The following SEMA6C variants were observed in gnomAD, a reference collection of about 807,000 sequenced individuals.
The protein encoded by SEMA6C is semaphorin-6C.
Under a neutral mutation model 72.9 loss-of-function variants are expected in SEMA6C, and 37 were observed. The ratio of observed to expected loss-of-function variants is 0.51; its 90% CI spans 0.39 to 0.67. SEMA6C has a LOEUF of 0.67. Among genes scored for constraint, SEMA6C ranks in the 30% least tolerant of loss-of-function variants. The probability of loss-of-function intolerance (pLI) is 0.00; values close to 1 mark genes in which losing one functional copy is unlikely to be tolerated. For synonymous variants in SEMA6C, 578 were observed against 554.1 expected (o/e 1.04, Z -0.61); for missense variants, 1,189 against 1,263.6 (o/e 0.94, Z 0.89).
Position 151,139,720 on chromosome 1 carries a change from A to AG in SEMA6C, c.234-20dup, listed in dbSNP as rs753147942. On this transcript the variant is annotated intron_variant, in intron 4 of 18. Coordinates refer to ENST00000368914, the MANE Select transcript of SEMA6C (RefSeq NM_030913.6). ...GTGATCCCTGAGGGGGTAGGTAAGG[A>AG]GGGGTCAGAGCCTAGTCAAGGCACC... is the stretch of plus-strand genomic sequence containing the variant. 62 of 1,587,096 alleles carry AG rather than the reference A, an allele frequency of 3.9e-5. No individual in the cohort carries two copies. In the East Asian group the frequency reaches 1.2e-3, roughly 32 times the overall value.
rs1681744180 is a variant in SEMA6C, at chr1:151,133,419, CTG to C, written c.1856_1857del (p.Ser619CysfsTer408). ...SVAAAFALGA[S>X]VSGLLVSCAC... is the part of the protein sequence containing the mutation. Reference sequence around the variant, plus strand: ...GCACAGGAGACCAGGAGGCCAGAGACTGAGGCGCCCAGGGCAAAAGCTGCGGC... The same window carrying C: ...GCACAGGAGACCAGGAGGCCAGAGACAGGCGCCCAGGGCAAAAGCTGCGGC... On this transcript the variant is annotated frameshift_variant, in exon 19 of 19. Transcript: ENST00000368914. LOFTEE classifies it low-confidence loss of function (END_TRUNC). The surrounding 1 kb of genome is among the most constrained non-coding windows in gnomAD (Gnocchi z 5.9). The C allele has an allele frequency of 1.9e-6, 3 of 1,591,830 alleles. No homozygotes were observed. Among genetic ancestry groups the C allele is most frequent in the African/African-American group, 1.3e-5 (1 of 74,554 alleles).
intron 12 of SEMA6C, 27 bp from the exon 13 acceptor site, chr1:151,136,190 C>A: frequency 6.2e-7 from 1 of 1,612,128 alleles, no homozygotes; most frequent in East Asian, 2.2e-5. Context: ...AAGGGGCTGC[C>A]TTTGGACTGG....
Position 151,132,999 on chromosome 1 carries a change from G to A in SEMA6C, c.2278C>T (p.Gln760Ter), listed in dbSNP as rs1681689753. 1.4e-6 allele frequency: 2 copies of A among 1,408,772 alleles called. No individual in the cohort carries two copies. Among genetic ancestry groups the A allele is most frequent in the Non-Finnish European group, 1.9e-6 (2 of 1,078,276 alleles). The allele number at this position is 1,408,772 out of a possible 1,614,324, so 87.3% of individuals were successfully genotyped here. Residue 760 changes from glutamine (Q) to a stop codon, truncating the protein, a stop_gained, in exon 19 of 19, where the codon CAG becomes TAG. Coordinates refer to ENST00000368914, the MANE Select transcript of SEMA6C (RefSeq NM_030913.6). LOFTEE classifies it low-confidence loss of function (END_TRUNC). ...VRPPPPGCPG[Q>*]AVEVTTLEEL... The stretch of plus-strand genomic sequence containing the variant: ...TCCAGGGTGGTGACTTCCACGGCCT[G>A]CCCGGGACAGCCGGGCGGCGGTGGC...
intron 11 of SEMA6C, 90 bp downstream of exon 11, chr1:151,136,767 A>C (rs1682051940): frequency 7.8e-6 from 11 of 1,406,062 alleles, no homozygotes; most frequent in Admixed American, 3.6e-5. Flanking sequence ...AGGTTCCCTT[A>C]ACTGCCCCAT....
intron 14 of SEMA6C, 54 bp from the exon 15 acceptor site, chr1:151,135,363 T>C: frequency 3.2e-6 from 5 of 1,577,154 alleles, no homozygotes; most frequent in Non-Finnish European, 4.3e-6. Flanking sequence ...ACCTTTTCCC[T>C]GAGTGAGTGG....
intron 9 of SEMA6C, 52 bp downstream of exon 9, chr1:151,137,934 C>T: frequency 6.3e-7 from 1 of 1,599,324 alleles, no homozygotes; most frequent in Non-Finnish European, 8.5e-7. Context: ...CACAGTCCTC[C>T]CTCTGTGCCT....
intron 14 of SEMA6C, 33 bp from the exon 15 acceptor site, chr1:151,135,342 C>T (rs1193388282): frequency 1.3e-6 from 2 of 1,597,188 alleles, no homozygotes; most frequent in East Asian, 4.5e-5. Flanking sequence ...CAGAGATGGA[C>T]AGATGAGGCT....
At position 151,140,053 on chromosome 1, in the gene SEMA6C, A is replaced by C; in HGVS notation, c.156T>G (p.Asp52Glu). 1 of 1,614,182 alleles carries C rather than the reference A, an allele frequency of 6.2e-7. No homozygotes were observed. The highest frequency in any genetic ancestry group is 8.5e-7 in the Non-Finnish European group (1 of 1,180,032). Residue 52 changes from aspartate to glutamate, a missense_variant, in exon 4 of 19, where the codon GAT becomes GAG. By Grantham distance (45) the Asp-to-Glu change is conservative. Coordinates refer to ENST00000368914, the MANE Select transcript of SEMA6C (RefSeq NM_030913.6). ...SPLSWFRGLE[D>E]DAVAAELGLD... is the part of the protein sequence containing the mutation. ...GCCCAAGTTCTGCAGCCACAGCATC[A>C]TCCTCCAGGCCCCGAAACCAGGATA...
At position 151,138,118 on chromosome 1, in the gene SEMA6C, G is replaced by A. The variant is rs1242340009; in HGVS notation, c.548-13C>T. 6.2e-7 allele frequency: 1 copy of A among 1,613,332 alleles called. No homozygotes were observed. Among genetic ancestry groups the A allele is most frequent in the Non-Finnish European group, 8.5e-7 (1 of 1,179,680 alleles). On this transcript the variant is annotated splice_polypyrimidine_tract_variant and intron_variant, in intron 8 of 18. Coordinates refer to ENST00000368914, the MANE Select transcript of SEMA6C (RefSeq NM_030913.6). ...TACAGGCTGCCCTCTGGAGGGATGGGTGGAGTGGGGTCAGGGGAGGGCTCA... is the reference window on the plus strand; with the variant it reads ...TACAGGCTGCCCTCTGGAGGGATGGATGGAGTGGGGTCAGGGGAGGGCTCA...
chr1:151,133,998 G>A lies in SEMA6C; in HGVS notation c.1759+403C>T, dbSNP rs775673961. Reference sequence around the variant, plus strand: ...TCCAAGAGTGGAAGACTGGGGCCGGGGGTGGGCATCACTGGGAGGACTGGG... The same window carrying A: ...TCCAAGAGTGGAAGACTGGGGCCGGAGGTGGGCATCACTGGGAGGACTGGG... On this transcript the variant is annotated intron_variant, in intron 18 of 18. Transcript: ENST00000368914. This position sits in a 1 kb window ranked among gnomAD's most constrained non-coding sequence, Gnocchi z 5.9. 2 of 1,434,726 alleles carry A rather than the reference G, an allele frequency of 1.4e-6. No homozygotes were observed. Among genetic ancestry groups the A allele is most frequent in the South Asian group, 1.2e-5 (1 of 81,014 alleles). The allele number at this position is 1,434,726 out of a possible 1,614,324, so 88.9% of individuals were successfully genotyped here.
chr1:151,137,564 G>A lies in SEMA6C; in HGVS notation c.756+147C>T, dbSNP rs1682148749. 11 of 668,402 alleles carry A rather than the reference G, an allele frequency of 1.6e-5. No individual in the cohort carries two copies. The Admixed American group carries it at 2.9e-4, about 18-fold the overall frequency. 41.4% of individuals were successfully genotyped at this position (668,402 alleles called of 1,614,324 possible). A position where few individuals can be genotyped will look rare whatever the true frequency, so the allele number is the denominator to read the frequency against. On this transcript the variant is annotated intron_variant, in intron 10 of 18. Coordinates refer to ENST00000368914, the MANE Select transcript of SEMA6C (RefSeq NM_030913.6). ...GGGACAAGCAGGATGTGGGGTCAGA[G>A]GGCTTGGGGCTATTCCAAGTTGAGG...
intron 3 of SEMA6C, among the ~76,000 whole-genome samples, chr1:151,141,447 T>C (rs1303578118): frequency 6.6e-6 from 1 of 152,224 alleles, no homozygotes; most frequent in Non-Finnish European, 1.5e-5. Flanking sequence ...TTCACTCTTG[T>C]TGCCCATGCT....
rs373131073 is a variant in SEMA6C at position 151,138,125 on chromosome 1, G to T, written c.548-20C>A. 1.5e-5 allele frequency: 24 copies of T among 1,612,702 alleles called. No individual in the cohort carries two copies. The highest frequency in any genetic ancestry group is 2.0e-5 in the Non-Finnish European group (24 of 1,179,456). On this transcript the variant is annotated intron_variant, in intron 8 of 18. Transcript: ENST00000368914. ...TGCCCTCTGGAGGGATGGGTGGAGTGGGGTCAGGGGAGGGCTCAGGGATCT... is the reference window on the plus strand; with the variant it reads ...TGCCCTCTGGAGGGATGGGTGGAGTTGGGTCAGGGGAGGGCTCAGGGATCT...
Position 151,136,463 on chromosome 1 carries a change from C to G in SEMA6C, c.1091G>C (p.Arg364Thr). The G allele has an allele frequency of 6.2e-7, 1 of 1,613,810 alleles. No individual in the cohort carries two copies. Among genetic ancestry groups the G allele is most frequent in the Non-Finnish European group, 8.5e-7 (1 of 1,179,922 alleles). ...TCCTGGGTACCTGGGTGAGGGAACTCTGTCCTCAGACACAGGAGTCCAGGC... is the reference window on the plus strand; with the variant it reads ...TCCTGGGTACCTGGGTGAGGGAACTGTGTCCTCAGACACAGGAGTCCAGGC... ...DGAWTPVSED[R>T]VPSPRPGSCA... Residue 364 changes from arginine (R) to threonine (T), a missense_variant, in exon 12 of 19, where the codon AGA becomes ACA. Coordinates refer to ENST00000368914, the MANE Select transcript of SEMA6C (RefSeq NM_030913.6).
At position 151,138,344 on chromosome 1, in the gene SEMA6C, G is replaced by T; in HGVS notation, c.519C>A (p.Ala173=). The change falls in exon 8 of 19, where the codon GCC becomes GCA. Residue 173 remains alanine, a synonymous_variant. Coordinates refer to ENST00000368914, the MANE Select transcript of SEMA6C (RefSeq NM_030913.6). ...LSGQARCPFD[A]TQSNVAIFAE... The stretch of plus-strand genomic sequence containing the variant: ...CAAAGATGGCCACGTTGGACTGGGT[G>T]GCATCAAAGGGGCATCGAGCCTGCC... 6.2e-7 allele frequency: 1 copy of T among 1,614,036 alleles called. No homozygotes were observed. Among genetic ancestry groups the T allele is most frequent in the South Asian group, 1.1e-5 (1 of 91,044 alleles).
chr1:151,132,075 G>C lies in SEMA6C; in HGVS notation c.*409C>G. 1.7e-6 allele frequency: 1 copy of C among 592,428 alleles called. No homozygotes were observed. Among genetic ancestry groups the C allele is most frequent in the Non-Finnish European group, 2.5e-6 (1 of 401,862 alleles). 36.7% of individuals were successfully genotyped at this position (592,428 alleles called of 1,614,324 possible). Reference sequence around the variant, plus strand: ...AGTGGCTGCAGACACGGCTGTATTGGGAAGCGGAGGCTCCTACACAGTAGG... The same window carrying C: ...AGTGGCTGCAGACACGGCTGTATTGCGAAGCGGAGGCTCCTACACAGTAGG... On this transcript the variant is annotated 3_prime_UTR_variant, in exon 19 of 19. Coordinates refer to ENST00000368914, the MANE Select transcript of SEMA6C (RefSeq NM_030913.6).
At chr1:151,134,033 G>A (rs1434918623) in intron 18 of SEMA6C, 4 of 1,531,154 alleles carry the variant, frequency 2.6e-6, no homozygotes, top group Non-Finnish European at 3.5e-6. Context: ...GGGTCCCAGG[G>A]GAAGGGCCAG....
intron 6 of SEMA6C, 113 bp from the exon 7 acceptor site, chr1:151,138,844 G>A: frequency 3.6e-6 from 3 of 843,382 alleles, no homozygotes; most frequent in East Asian, 2.6e-5. Flanking sequence ...TGTAATCCTA[G>A]CACTTTGGGA....
chr1:151,139,090 C>T (rs1682298836), intron 6 of SEMA6C, among the ~76,000 whole-genome samples: 1 of 128,554 alleles, frequency 7.8e-6, no homozygotes, highest in East Asian at 2.3e-4. Context: ...GAGACTCCGT[C>T]TCAAAAAAAA....
Sources: allele counts gnomAD v4.1 joint callset (sites outside exome capture counted in the v4.1 genomes callset), GRCh38; gene constraint gnomAD v4.1.1; non-coding constraint Gnocchi (gnomAD v3.1); transcripts MANE v1.5; gene names NCBI Gene and HGNC (gene_info 2026-07-23, HGNC 2026-07-21).